DTX4: variants seen among roughly 807,000 people sequenced by gnomAD.
DTX4 encodes E3 ubiquitin-protein ligase DTX4.
In DTX4, 28 loss-of-function variants were observed where a neutral mutation model predicts 57.6. That is an observed-to-expected ratio of 0.49 (90% CI 0.36 to 0.67). DTX4 has a LOEUF of 0.67. Ranked by LOEUF, DTX4 falls within the 30% of genes least tolerant of loss-of-function variation. The probability of loss-of-function intolerance (pLI) is 0.00; values close to 1 mark genes in which losing one functional copy is unlikely to be tolerated. For missense variants in DTX4, 715 were observed against 836.8 expected, an observed-to-expected ratio of 0.85 and a Z score of 1.80; for synonymous variants, 316 against 331.0, an observed-to-expected ratio of 0.95 and a Z score of 0.49.
In DTX4 at chr11:59,181,902, C is replaced by A; in HGVS notation, c.375C>A (p.Asp125Glu). Reference sequence around the variant, plus strand: ...ATGAGAAGCAGCACCCCTGGATCGACCTCACTTCCATTGGCTTTAGCTACG... The same window carrying A: ...ATGAGAAGCAGCACCCCTGGATCGAACTCACTTCCATTGGCTTTAGCTACG... The part of the protein sequence containing the change: ...HAYEKQHPWI[D>E]LTSIGFSYVI... Residue 125 changes from aspartate (D) to glutamate (E), a missense_variant, in exon 2 of 9, where the codon GAC becomes GAA. Physicochemically the swap from Asp to Glu is conservative, Grantham distance 45 (BLOSUM62 2). Transcript: ENST00000227451. 6.2e-7 allele frequency: 1 copy of A among 1,614,016 alleles called. No homozygotes were observed. Among genetic ancestry groups the A allele is most frequent in the Non-Finnish European group, 8.5e-7 (1 of 1,179,880 alleles).
rs940680249 is a variant in DTX4 at position 59,172,255 on chromosome 11, C to T, written c.-341C>T. Among the ~76,000 whole-genome samples the T allele has an allele frequency of 2.6e-5, 4 of 152,028 alleles. No homozygotes were observed. The highest frequency in any genetic ancestry group is 5.9e-5 in the Non-Finnish European group (4 of 67,954). On this transcript the variant is annotated 5_prime_UTR_variant, in exon 1 of 9. Transcript: ENST00000227451. ...CAGCTCGCGGCCGCCGGGGCTCGGG[C>T]CGCGCGCCCGCCGAGTGGCTTTTGC...
intron 7 of DTX4, among the ~76,000 whole-genome samples, chr11:59,197,003 C>G (rs1024179624): frequency 6.6e-6 from 1 of 152,214 alleles, no homozygotes; most frequent in Non-Finnish European, 1.5e-5. Flanking sequence ...TCCCTGGGGC[C>G]AAAATGGTTG....
In DTX4 at chr11:59,182,546, T is replaced by A. The variant is rs150691837; in HGVS notation, c.935+84T>A. The A allele has an allele frequency of 2.9e-4, 412 of 1,438,850 alleles. 1 individual carries two copies. In the African/African-American group the frequency reaches 5.2e-3, roughly 18 times the overall value. 89.1% of individuals were successfully genotyped at this position (1,438,850 alleles called of 1,614,324 possible). A position where few individuals can be genotyped will look rare whatever the true frequency, so the allele number is the denominator to read the frequency against. ...GATCTTCTGGATCAGAAGGAGGGGC[T>A]GCCAAGACTTAAGCTTCTCATCTTG... On this transcript the variant is annotated intron_variant, in intron 2 of 8. Coordinates refer to ENST00000227451, the MANE Select transcript of DTX4 (RefSeq NM_015177.2).
At position 59,204,747 on chromosome 11, in the gene DTX4, C is replaced by T. The variant is rs1337211571; in HGVS notation, c.1698C>T (p.Gly566=). The change falls in exon 9 of 9, where the codon GGC becomes GGT. Residue 566 remains glycine (G), a synonymous_variant. Coordinates refer to ENST00000227451, the MANE Select transcript of DTX4 (RefSeq NM_015177.2). ...IFAIGTSSTT[G]ESDTVIWNEV... ...CCATTGGCACCTCCAGCACCACAGG[C>T]GAGTCAGACACCGTCATCTGGAATG... 1.9e-6 allele frequency: 3 copies of T among 1,613,630 alleles called. No homozygotes were observed. The highest frequency in any genetic ancestry group is 2.5e-6 in the Non-Finnish European group (3 of 1,179,806).
chr11:59,178,828 C>A (rs1343628271), intron 1 of DTX4, among the ~76,000 whole-genome samples: 2 of 152,210 alleles, frequency 1.3e-5, no homozygotes, highest in African/African-American at 2.4e-5. Context: ...CAAAAGAGGC[C>A]ATTTCAGTAG....
rs10657031 is a variant in DTX4, at chr11:59,206,509, G to GTGTA, written c.*1601_*1602insGTAT. On this transcript the variant is annotated 3_prime_UTR_variant, in exon 9 of 9. Coordinates refer to ENST00000227451, the MANE Select transcript of DTX4 (RefSeq NM_015177.2). ...ATACCTCATGTTTTGGGGGTTTGAC[G>GTGTA]TATATATATATATATATATATGCAT... The GTGTA allele has an allele frequency of 2.8e-4, 40 of 142,268 alleles. No homozygotes were observed. Among genetic ancestry groups the GTGTA allele is most frequent in the Non-Finnish European group, 4.9e-4 (32 of 65,946 alleles). 8.8% of individuals were successfully genotyped at this position (142,268 alleles called of 1,614,324 possible). A position where few individuals can be genotyped will look rare whatever the true frequency, so the allele number is the denominator to read the frequency against.
At chr11:59,190,896 G>A (rs1732678709) in intron 4 of DTX4, among the ~76,000 whole-genome samples, 1 of 152,104 alleles carries the variant, frequency 6.6e-6, no homozygotes, top group Non-Finnish European at 1.5e-5. Context: ...GTCAGAAAAG[G>A]GACTGCAAGA....
chr11:59,180,348 A>C (rs1387316804), intron 1 of DTX4, among the ~76,000 whole-genome samples: 1 of 152,034 alleles, frequency 6.6e-6, no homozygotes, highest in Non-Finnish European at 1.5e-5. Context: ...TGAATAGGGG[A>C]TTGTTCTGCT....
chr11:59,186,497 G>A (rs556575075), intron 2 of DTX4, among the ~76,000 whole-genome samples: 72 of 152,288 alleles, frequency 4.7e-4, no homozygotes, highest in African/African-American at 1.7e-3. Flanking sequence ...AGGAAGCCGG[G>A]TCTTTTCCCC....
At chr11:59,172,932 G>A (rs1389318270) in intron 1 of DTX4, 126 bp downstream of exon 1, 2 of 637,470 alleles carry the variant, frequency 3.1e-6, no homozygotes, top group African/African-American at 1.9e-5. Flanking sequence ...GTCACCAAGA[G>A]GTGGTGGTGG....
At chr11:59,192,036 T>C (rs1189667481) in intron 5 of DTX4, 62 bp from the exon 6 acceptor site, 5 of 1,571,904 alleles carry the variant, frequency 3.2e-6, no homozygotes, top group Non-Finnish European at 4.3e-6. Context: ...TGAGATCATG[T>C]GGAAATCTCC....
At chr11:59,180,307 C>A (rs931879761) in intron 1 of DTX4, among the ~76,000 whole-genome samples, 1 of 152,046 alleles carries the variant, frequency 6.6e-6, no homozygotes, top group Non-Finnish European at 1.5e-5. Context: ...CATCCTGATA[C>A]CCCCATGTTC....
intron 8 of DTX4, among the ~76,000 whole-genome samples, chr11:59,202,122 C>G (rs957221072): frequency 6.6e-6 from 1 of 152,228 alleles, no homozygotes; most frequent in Non-Finnish European, 1.5e-5. Context: ...GAAGAAACAA[C>G]AAAGTGCACT....
At chr11:59,176,623 GC>G (rs1022272009) in intron 1 of DTX4, among the ~76,000 whole-genome samples, 3 of 152,244 alleles carry the variant, frequency 2.0e-5, no homozygotes, top group African/African-American at 7.2e-5. Context: ...CCTAGCGCAT[GC>G]CCTAACGGCA....
chr11:59,203,942 C>T (rs1862771140), intron 8 of DTX4, among the ~76,000 whole-genome samples: 1 of 152,218 alleles, frequency 6.6e-6, no homozygotes, highest in Non-Finnish European at 1.5e-5. Context: ...ACCATGTTTA[C>T]AGTAGTTCAG....
Position 59,207,121 on chromosome 11 carries a change from A to G in DTX4, c.*2212A>G, listed in dbSNP as rs1184413370. 1.3e-5 allele frequency: 2 copies of G among 152,276 alleles called. No homozygotes were observed. The highest frequency in any genetic ancestry group is 4.8e-5 in the African/African-American group (2 of 41,452). The allele number at this position is 152,276 out of a possible 1,614,324, so 9.4% of individuals were successfully genotyped here. Reference sequence around the variant, plus strand: ...TCTGCTGAGCTTCTTGGCCGCAAGGATGCAGAAATAGGCTGAGGGTCCATG... The same window carrying G: ...TCTGCTGAGCTTCTTGGCCGCAAGGGTGCAGAAATAGGCTGAGGGTCCATG... On this transcript the variant is annotated 3_prime_UTR_variant, in exon 9 of 9. Transcript: ENST00000227451.
intron 2 of DTX4, among the ~76,000 whole-genome samples, chr11:59,188,287 G>A (rs1047659946): frequency 1.3e-5 from 2 of 152,136 alleles, no homozygotes; most frequent in African/African-American, 2.4e-5. Flanking sequence ...TCAATACTAT[G>A]GTCTCAGGAA....
chr11:59,199,554 G>T (rs1005643902), intron 7 of DTX4, 130 bp from the exon 8 acceptor site: 2 of 738,920 alleles, frequency 2.7e-6, no homozygotes, highest in South Asian at 1.8e-5. Context: ...GTGCTTTTTG[G>T]GTCTGTTCTC....
At chr11:59,177,249 T>C (rs1294618846) in intron 1 of DTX4, among the ~76,000 whole-genome samples, 2 of 152,184 alleles carry the variant, frequency 1.3e-5, no homozygotes, top group African/African-American at 4.8e-5. Context: ...CAGATTCCCA[T>C]GCCCAGGCCC....
Sources: allele counts gnomAD v4.1 joint callset (sites outside exome capture counted in the v4.1 genomes callset), GRCh38; gene constraint gnomAD v4.1.1; transcripts MANE v1.5; gene names NCBI Gene and HGNC (gene_info 2026-07-23, HGNC 2026-07-21).